Variants in CERS3 observed in about 807,000 individuals in gnomAD.
CERS3 encodes the protein LAG1 homolog, ceramide synthase 3.
CERS3 carries 33 observed loss-of-function variants against 50.3 expected under a neutral mutation model. The observed-to-expected ratio is 0.66, with a 90% CI of 0.50 to 0.88. The LOEUF is 0.88. Ranked by LOEUF, CERS3 falls within the 40% of genes least tolerant of loss-of-function variation. CERS3 has a pLI of 0.00. For synonymous variants in CERS3, 176 were observed against 155.2 expected (o/e 1.13, Z -0.99); for missense variants, 470 against 460.3 (o/e 1.02, Z -0.19).
intron 1 of CERS3, among the ~76,000 whole-genome samples, chr15:100,526,260 C>A (rs2036785079): frequency 6.6e-6 from 1 of 152,204 alleles, no homozygotes; most frequent in Non-Finnish European, 1.5e-5. Flanking sequence ...TGCATCGCAT[C>A]CCATAAATTC....
intron 11 of CERS3, among the ~76,000 whole-genome samples, chr15:100,414,687 C>A (rs144174173): frequency 0.028 from 4,265 of 152,100 alleles, 154 homozygotes; most frequent in South Asian, 0.17. Flanking sequence ...GAAAGGATTC[C>A]CTATTTAATA....
intron 11 of CERS3, among the ~76,000 whole-genome samples, chr15:100,418,293 T>C (rs1250702465): frequency 1.3e-5 from 2 of 151,798 alleles, no homozygotes; most frequent in Non-Finnish European, 2.9e-5. Context: ...TGCAGAAGCC[T>C]CAGAAGCCGA....
intron 10 of CERS3, among the ~76,000 whole-genome samples, chr15:100,464,086 A>G (rs1435311839): frequency 6.6e-6 from 1 of 152,154 alleles, no homozygotes; most frequent in Non-Finnish European, 1.5e-5. Context: ...TTCCCAGGGT[A>G]CCATTTTTCT....
intron 1 of CERS3, among the ~76,000 whole-genome samples, chr15:100,539,425 G>A (rs2037148496): frequency 6.6e-6 from 1 of 152,192 alleles, no homozygotes; most frequent in Non-Finnish European, 1.5e-5. Flanking sequence ...ATAAAGGAAA[G>A]TGGTTTAACT....
intron 11 of CERS3, among the ~76,000 whole-genome samples, chr15:100,427,695 T>C (rs2142108953): frequency 6.6e-6 from 1 of 152,348 alleles, no homozygotes; most frequent in Middle Eastern, 3.4e-3. Flanking sequence ...TGTCCCAGAC[T>C]CTGACTACAA....
intron 11 of CERS3, among the ~76,000 whole-genome samples, chr15:100,412,291 C>T (rs933344432): frequency 6.6e-6 from 1 of 152,072 alleles, no homozygotes; most frequent in African/African-American, 2.4e-5. Flanking sequence ...TGTGGATATT[C>T]AGTTTTCCCA....
chr15:100,501,981 T>C, intron 2 of CERS3, 131 bp from the exon 3 acceptor site: 1 of 849,954 alleles, frequency 1.2e-6, no homozygotes, highest in Non-Finnish European at 1.8e-6. Context: ...GCGCAGTGGC[T>C]CACACCTGCA....
chr15:100,535,353 G>T (rs970386463), intron 1 of CERS3, among the ~76,000 whole-genome samples: 4 of 152,196 alleles, frequency 2.6e-5, no homozygotes, highest in African/African-American at 9.6e-5. Context: ...AACTCATTCA[G>T]CCAGTATTTA....
chr15:100,542,680 G>A (rs997248396), intron 1 of CERS3, among the ~76,000 whole-genome samples: 6 of 152,212 alleles, frequency 3.9e-5, no homozygotes, highest in African/African-American at 1.4e-4. Context: ...TTCTGTATAT[G>A]TAACGAATTT....
intron 11 of CERS3, among the ~76,000 whole-genome samples, chr15:100,418,609 A>G (rs1261096260): frequency 1.4e-5 from 2 of 141,892 alleles, no homozygotes; most frequent in Non-Finnish European, 3.1e-5. Context: ...CGAGAAGAGC[A>G]ACTCCAAGAC....
At chr15:100,464,717 A>G (rs996209965) in intron 10 of CERS3, among the ~76,000 whole-genome samples, 5 of 152,248 alleles carry the variant, frequency 3.3e-5, no homozygotes, top group Non-Finnish European at 7.3e-5. Flanking sequence ...TTTAAGAACA[A>G]TAGTTGGGAA....
intron 11 of CERS3, among the ~76,000 whole-genome samples, chr15:100,421,788 C>T (rs1285296960): frequency 7.6e-6 from 1 of 130,842 alleles, no homozygotes; most frequent in African/African-American, 2.9e-5. Context: ...CGCGTATCTA[C>T]AACTATCTGA....
intron 11 of CERS3, among the ~76,000 whole-genome samples, chr15:100,453,840 T>C (rs549622413): frequency 2.0e-5 from 3 of 152,292 alleles, no homozygotes; most frequent in Admixed American, 6.5e-5. Flanking sequence ...AGTGTCTATA[T>C]ATGAACGACA....
At chr15:100,494,642 C>G (rs2035757233) in intron 3 of CERS3, among the ~76,000 whole-genome samples, 1 of 152,132 alleles carries the variant, frequency 6.6e-6, no homozygotes, top group African/African-American at 2.4e-5. Flanking sequence ...CAGAGATTTC[C>G]TTAAATGCTT....
intron 10 of CERS3, among the ~76,000 whole-genome samples, chr15:100,463,767 G>A (rs1275896712): frequency 1.3e-5 from 2 of 152,196 alleles, no homozygotes; most frequent in East Asian, 3.9e-4. Flanking sequence ...CTTCAACAGA[G>A]TCTTTCTTGC....
intron 10 of CERS3, among the ~76,000 whole-genome samples, chr15:100,468,566 C>T (rs1163438667): frequency 6.6e-6 from 1 of 152,200 alleles, no homozygotes; most frequent in African/African-American, 2.4e-5. Flanking sequence ...ATTTCCCCTG[C>T]ATCTAGGCTC....
chr15:100,511,477 T>A (rs367635494), intron 2 of CERS3, among the ~76,000 whole-genome samples: 1 of 152,182 alleles, frequency 6.6e-6, no homozygotes, highest in African/African-American at 2.4e-5. Context: ...AACAGTCTGT[T>A]ACATGCCCTA....
intron 11 of CERS3, chr15:100,426,229 G>A (rs976726895): frequency 1.3e-5 from 2 of 152,066 alleles, no homozygotes; most frequent in Admixed American, 1.3e-4. Context: ...GTTCCTTTGA[G>A]ATAGTGAAAA....
At chr15:100,534,819 C>T (rs1200038841) in intron 1 of CERS3, among the ~76,000 whole-genome samples, 1 of 151,870 alleles carries the variant, frequency 6.6e-6, no homozygotes, top group Non-Finnish European at 1.5e-5. Flanking sequence ...AGCTAACATT[C>T]ACTCTGTGCT....
Sources: allele counts gnomAD v4.1 joint callset (sites outside exome capture counted in the v4.1 genomes callset), GRCh38; gene constraint gnomAD v4.1.1; transcripts MANE v1.5; gene names NCBI Gene and HGNC (gene_info 2026-07-23, HGNC 2026-07-21).